CIITA: variants seen among roughly 807,000 people sequenced by gnomAD.
CIITA encodes the protein MHC class II transactivator.
A neutral mutation model predicts 115.1 loss-of-function variants in CIITA; 72 were observed. The ratio of observed to expected loss-of-function variants is 0.63; its 90% CI spans 0.52 to 0.76. The LOEUF (loss-of-function observed/expected upper bound fraction) is 0.76. Among genes scored for constraint, CIITA ranks in the 30% least tolerant of loss-of-function variants. The probability of loss-of-function intolerance (pLI) is 0.00; values close to 1 mark genes in which losing one functional copy is unlikely to be tolerated. For missense variants in CIITA, 1,617 were observed against 1,463.8 expected, an observed-to-expected ratio of 1.10 and a Z score of -1.71; for synonymous variants, 763 against 635.6, an observed-to-expected ratio of 1.20 and a Z score of -3.02.
At chr16:10,908,487 G>C (rs949400784) in intron 11 of CIITA, 2 of 454,006 alleles carry the variant, frequency 4.4e-6, no homozygotes, top group Non-Finnish European at 4.1e-6. Flanking sequence ...CTTATGCTAA[G>C]AGTAAAGCCA....
Position 10,942,550 on chromosome 16 carries a change from C to T in CIITA, n.1676C>T, listed in dbSNP as rs2041117608. 1 of 152,324 alleles carries T rather than the reference C, an allele frequency of 6.6e-6. No homozygotes were observed. Among genetic ancestry groups the T allele is most frequent in the African/African-American group, 2.4e-5 (1 of 41,472 alleles). 9.4% of individuals were successfully genotyped at this position (152,324 alleles called of 1,614,324 possible). ...CTAATTGGCCGGCTCAACGCCCGCGCTGATTGGCTCCGGCCGCCAGGGGGC... is the reference window on the plus strand; with the variant it reads ...CTAATTGGCCGGCTCAACGCCCGCGTTGATTGGCTCCGGCCGCCAGGGGGC... On this transcript the variant is annotated non_coding_transcript_exon_variant, in exon 2 of 2. Coordinates refer to the CIITA transcript ENST00000573379. This position sits in a 1 kb window ranked among gnomAD's most constrained non-coding sequence, Gnocchi z 5.0.
chr16:10,871,347 T>G (rs867527620), intron 1 of CIITA, among the ~76,000 whole-genome samples: 1 of 152,174 alleles, frequency 6.6e-6, no homozygotes, highest in Non-Finnish European at 1.5e-5. Flanking sequence ...GCCTTGGGTT[T>G]GACCATGGAA....
At chr16:10,902,834 T>G in intron 8 of CIITA, 33 bp downstream of exon 8, 1 of 1,613,110 alleles carries the variant, frequency 6.2e-7, no homozygotes, top group East Asian at 2.2e-5. Context: ...CGACCACCTC[T>G]CCCTCCTACC....
intron 1 of CIITA, among the ~76,000 whole-genome samples, chr16:10,870,521 C>A (rs1268092981): frequency 6.6e-6 from 1 of 152,220 alleles, no homozygotes; most frequent in Non-Finnish European, 1.5e-5. Flanking sequence ...CCCTGGTCAA[C>A]AGTGGGTCAC....
In CIITA at chr16:10,923,182, G is replaced by A. The variant is rs781718096; in HGVS notation, c.3318-46G>A. The A allele has an allele frequency of 2.3e-5, 36 of 1,578,432 alleles. No homozygotes were observed. The highest frequency in any genetic ancestry group is 3.3e-4 in the Middle Eastern group (2 of 6,028). Reference sequence around the variant, plus strand: ...GCAGCTGTCACTGGGGCCCCAGGCCGCCCTCTCTCCTCTAACCTGGCTCTG... The same window carrying A: ...GCAGCTGTCACTGGGGCCCCAGGCCACCCTCTCTCCTCTAACCTGGCTCTG... On this transcript the variant is annotated intron_variant, in intron 18 of 19. Coordinates refer to ENST00000324288, the MANE Select transcript of CIITA (RefSeq NM_000246.4). This position sits in a 1 kb window ranked among gnomAD's most constrained non-coding sequence, Gnocchi z 5.2.
intron 16 of CIITA, 25 bp downstream of exon 16, chr16:10,918,551 C>A: frequency 6.2e-7 from 1 of 1,606,058 alleles, no homozygotes; most frequent in South Asian, 1.1e-5. Context: ...GGATACCGGT[C>A]AGGTGCTGAG....
Position 10,933,806 on chromosome 16 carries a change from A to C in CIITA, c.*9951A>C, listed in dbSNP as rs1406501901. ...TTCTCCATGTACCAAAAAATCAATTAAAGTGGCTAAAGACAGACGTCACCC... is the reference window on the plus strand; with the variant it reads ...TTCTCCATGTACCAAAAAATCAATTCAAGTGGCTAAAGACAGACGTCACCC... On this transcript the variant is annotated 3_prime_UTR_variant, in exon 20 of 20. Coordinates refer to ENST00000324288, the MANE Select transcript of CIITA (RefSeq NM_000246.4). 6.6e-6 allele frequency: 1 copy of C among 152,258 alleles called. No homozygotes were observed. The highest frequency in any genetic ancestry group is 1.5e-5 in the Non-Finnish European group (1 of 68,078). 9.4% of individuals were successfully genotyped at this position (152,258 alleles called of 1,614,324 possible).
In CIITA at chr16:10,901,087, G is replaced by A. The variant is rs1300203348; in HGVS notation, c.437-427G>A. Among the ~76,000 whole-genome samples the A allele has an allele frequency of 1.3e-5, 2 of 152,152 alleles. No individual in the cohort carries two copies. The highest frequency in any genetic ancestry group is 1.9e-4 in the East Asian group (1 of 5,194). On this transcript the variant is annotated intron_variant, in intron 5 of 19. Transcript: ENST00000324288. The surrounding 1 kb of genome is among the most constrained non-coding windows in gnomAD (Gnocchi z 6.8). ...ACACGTGGGTTTTTAATCTGTTGCT[G>A]TGAGTGCTTGATACTCACTCACTGA...
intron 5 of CIITA, among the ~76,000 whole-genome samples, chr16:10,900,718 C>T (rs1321411201): frequency 6.8e-6 from 1 of 146,196 alleles, no homozygotes; most frequent in Non-Finnish European, 1.5e-5. Context: ...CCAGCCTGGG[C>T]AACAGAGCTA....
chr16:10,905,769 AAAAG>A (rs1376982805), intron 10 of CIITA, among the ~76,000 whole-genome samples: 7 of 152,076 alleles, frequency 4.6e-5, no homozygotes, highest in Non-Finnish European at 8.8e-5. Flanking sequence ...TCAAAAAAAA[AAAAG>A]AGAGAAAAGG....
rs1447966748 is a variant in CIITA at position 10,930,846 on chromosome 16, G to A, written c.*6991G>A. 6.6e-6 allele frequency: 1 copy of A among 152,218 alleles called. No homozygotes were observed. Among genetic ancestry groups the A allele is most frequent in the Non-Finnish European group, 1.5e-5 (1 of 68,052 alleles). 9.4% of individuals were successfully genotyped at this position (152,218 alleles called of 1,614,324 possible). ...CCTGCTTGGTCCTCAGGCTGTAAGT[G>A]CAGGCAGAGCTAATGTCTCTCCATA... On this transcript the variant is annotated 3_prime_UTR_variant, in exon 20 of 20. Transcript: ENST00000324288.
At position 10,908,028 on chromosome 16, in the gene CIITA, C is replaced by G; in HGVS notation, c.2536C>G (p.His846Asp). 1 of 1,611,222 alleles carries G rather than the reference C, an allele frequency of 6.2e-7. No individual in the cohort carries two copies. Among genetic ancestry groups the G allele is most frequent in the Admixed American group, 1.7e-5 (1 of 59,938 alleles). The change falls in exon 11 of 20, where the codon CAT becomes GAT. Residue 846 changes from histidine (H) to aspartate (D), a missense_variant. Physicochemically the swap from His to Asp is moderately conservative, Grantham distance 81. Transcript: ENST00000324288. ...LGTRLTPPDA[H>D]VLGKALEAAG... ...CACCCGCCTCACGCCTCCTGATGCA[C>G]ATGTACTGGGCAAGGCCTTGGAGGC...
At chr16:10,899,713 G>C (rs1220932631) in intron 5 of CIITA, among the ~76,000 whole-genome samples, 3 of 152,198 alleles carry the variant, frequency 2.0e-5, no homozygotes, top group African/African-American at 7.2e-5. Flanking sequence ...CCATGTGTAA[G>C]TCCTGTATCT....
chr16:10,916,807 C>A, intron 15 of CIITA: 1 of 407,818 alleles, frequency 2.5e-6, no homozygotes, highest in Non-Finnish European at 4.6e-6. Context: ...CAACCGCTCA[C>A]TCAATCATTT....
chr16:10,887,933 T>C (rs1430663758), intron 1 of CIITA, among the ~76,000 whole-genome samples: 1 of 152,162 alleles, frequency 6.6e-6, no homozygotes, highest in Non-Finnish European at 1.5e-5. Context: ...AAACATCTAA[T>C]GAACTGGACG....
chr16:10,874,148 T>C (rs932589768), upstream of CIITA, among the ~76,000 whole-genome samples: 2 of 151,990 alleles, frequency 1.3e-5, no homozygotes, highest in Non-Finnish European at 2.9e-5. Context: ...CACACCTGGA[T>C]AATTTTTCTA....
intron 1 of CIITA, among the ~76,000 whole-genome samples, chr16:10,886,571 G>A (rs762511751): frequency 1.6e-4 from 25 of 152,170 alleles, no homozygotes; most frequent in African/African-American, 5.5e-4. Context: ...TCTCCAGAGC[G>A]GCCCCATCCA....
In CIITA at chr16:10,923,289, A is replaced by G. The variant is rs2040373676; in HGVS notation, c.3379A>G (p.Ile1127Val). Residue 1127 changes from isoleucine (I) to valine (V), a missense_variant, in exon 19 of 20, where the codon ATC becomes GTC. Coordinates refer to ENST00000324288, the MANE Select transcript of CIITA (RefSeq NM_000246.4). The surrounding 1 kb of genome is among the most constrained non-coding windows in gnomAD (Gnocchi z 5.2). Reference protein sequence around the residue: ...QEHLQQQDSRISLR With the variant: ...QEHLQQQDSRVSLR ...ACACCTGCAACAACAGGATTCACGGATCAGCCTGAGATGATCCCAGCTGTG... is the reference window on the plus strand; with the variant it reads ...ACACCTGCAACAACAGGATTCACGGGTCAGCCTGAGATGATCCCAGCTGTG... 1 of 1,613,180 alleles carries G rather than the reference A, an allele frequency of 6.2e-7. No homozygotes were observed.
At chr16:10,869,354 C>T (rs149792699) in intron 1 of CIITA, among the ~76,000 whole-genome samples, 1,683 of 152,258 alleles carry the variant, frequency 0.011, 39 homozygotes, top group African/African-American at 0.038. Flanking sequence ...TTGCACATGC[C>T]GTTCCCTCTG....
Sources: allele counts gnomAD v4.1 joint callset (sites outside exome capture counted in the v4.1 genomes callset), GRCh38; gene constraint gnomAD v4.1.1; non-coding constraint Gnocchi (gnomAD v3.1); transcripts MANE v1.5; gene names NCBI Gene and HGNC (gene_info 2026-07-23, HGNC 2026-07-21).